The following DCC variants were observed in gnomAD, a reference collection of about 807,000 sequenced individuals.
The protein encoded by DCC is DCC netrin 1 receptor.
DCC carries 58 observed loss-of-function variants against 172.5 expected under a neutral mutation model. The ratio of observed to expected loss-of-function variants is 0.34; its 90% CI spans 0.27 to 0.42. DCC has a LOEUF of 0.42. Ranked by LOEUF, DCC falls within the 10% of genes least tolerant of loss-of-function variation. The pLI, the probability that DCC is intolerant of heterozygous loss-of-function variation, is 1.00. For synonymous variants in DCC, 709 were observed against 644.5 expected, an observed-to-expected ratio of 1.10 and a Z score of -1.52; for missense variants, 1,740 against 1,791.0, an observed-to-expected ratio of 0.97 and a Z score of 0.51.
At chr18:53,292,723 A>C (rs1044967064) in intron 12 of DCC, among the ~76,000 whole-genome samples, 5 of 152,140 alleles carry the variant, frequency 3.3e-5, no homozygotes, top group African/African-American at 4.8e-5. Context: ...AAACAAAAAA[A>C]CAAATCTTTG....
chr18:52,688,058 C>T (rs2035869828), intron 1 of DCC, among the ~76,000 whole-genome samples: 1 of 151,716 alleles, frequency 6.6e-6, no homozygotes, highest in South Asian at 2.1e-4. Flanking sequence ...TCCTTTAGTG[C>T]ACTGTTAGAT....
intron 5 of DCC, among the ~76,000 whole-genome samples, chr18:52,992,779 C>G (rs2041414338): frequency 6.6e-6 from 1 of 151,950 alleles, no homozygotes; most frequent in Admixed American, 6.6e-5. Context: ...AGTTTGAGAC[C>G]ACCCTGGCCA....
At chr18:52,863,762 A>G (rs1158963100) in intron 2 of DCC, among the ~76,000 whole-genome samples, 1 of 151,978 alleles carries the variant, frequency 6.6e-6, no homozygotes, top group Non-Finnish European at 1.5e-5. Flanking sequence ...GGTAAATTTC[A>G]TAAGACAAAT....
intron 5 of DCC, among the ~76,000 whole-genome samples, chr18:53,010,887 T>G (rs1178038845): frequency 6.6e-6 from 1 of 151,166 alleles, no homozygotes; most frequent in African/African-American, 2.4e-5. Flanking sequence ...TCATGTTTAG[T>G]TTTTAGAAAT....
chr18:53,424,410 G>C (rs1244806326), intron 21 of DCC, among the ~76,000 whole-genome samples: 1 of 152,148 alleles, frequency 6.6e-6, no homozygotes, highest in African/African-American at 2.4e-5. Flanking sequence ...AAGGAAGTAT[G>C]GTTCCGTGGG....
chr18:53,342,789 A>G (rs1335252301), intron 15 of DCC, among the ~76,000 whole-genome samples: 3 of 123,976 alleles, frequency 2.4e-5, no homozygotes, highest in African/African-American at 2.6e-5. Context: ...ATATTTGAAT[A>G]TATGAACATA....
intron 14 of DCC, among the ~76,000 whole-genome samples, chr18:53,338,643 A>G (rs939628911): frequency 1.1e-4 from 16 of 152,094 alleles, no homozygotes; most frequent in African/African-American, 3.6e-4. Context: ...CAGTGTCCAG[A>G]AAAAAATATT....
chr18:52,797,256 G>C (rs952782224), intron 2 of DCC, among the ~76,000 whole-genome samples: 1 of 152,078 alleles, frequency 6.6e-6, no homozygotes, highest in Non-Finnish European at 1.5e-5. Context: ...TCAAGATAAA[G>C]TTCCTGTTTT....
intron 5 of DCC, among the ~76,000 whole-genome samples, chr18:53,057,079 T>TAAAAAAAAAAAAAAA (rs11316527): frequency 1.1e-5 from 1 of 89,326 alleles, no homozygotes; most frequent in African/African-American, 4.2e-5. Flanking sequence ...CTTCTAAAAG[T>TAAAAAAAAAAAAAAA]AAAAAAAAAA....
chr18:53,044,424 T>C (rs767710813), intron 5 of DCC, among the ~76,000 whole-genome samples: 4 of 138,474 alleles, frequency 2.9e-5, no homozygotes, highest in Non-Finnish European at 4.7e-5. Context: ...GCTTGAGTTC[T>C]AGTATTGCTG....
intron 6 of DCC, among the ~76,000 whole-genome samples, chr18:53,063,962 C>A (rs557776449): frequency 6.6e-6 from 1 of 152,198 alleles, no homozygotes; most frequent in East Asian, 1.9e-4. Flanking sequence ...TTGAGAAAGG[C>A]AGTGGTGATG....
chr18:53,323,903 C>G (rs1262566241), intron 14 of DCC, among the ~76,000 whole-genome samples: 1 of 152,128 alleles, frequency 6.6e-6, no homozygotes, highest in Non-Finnish European at 1.5e-5. Flanking sequence ...GAATGAAACA[C>G]AGAGTTGGCA....
intron 26 of DCC, among the ~76,000 whole-genome samples, chr18:53,490,911 A>G (rs977157225): frequency 3.3e-5 from 5 of 152,196 alleles, no homozygotes; most frequent in African/African-American, 1.2e-4. Flanking sequence ...TGTTCATTGT[A>G]TTCATTTTGA....
At chr18:53,063,639 G>A (rs1183407814) in intron 6 of DCC, 180 bp downstream of exon 6, 8 of 578,174 alleles carry the variant, frequency 1.4e-5, no homozygotes, top group Non-Finnish European at 1.8e-5. Context: ...AACTGAGAAA[G>A]AGTGATCAAA....
At chr18:53,166,138 TG>T (rs2054917777) in intron 8 of DCC, among the ~76,000 whole-genome samples, 1 of 152,132 alleles carries the variant, frequency 6.6e-6, no homozygotes, top group Non-Finnish European at 1.5e-5. Flanking sequence ...GACTGAATAA[TG>T]CATTGCACAT....
chr18:52,873,802 G>A (rs1170044762), intron 2 of DCC, among the ~76,000 whole-genome samples: 1 of 152,166 alleles, frequency 6.6e-6, no homozygotes, highest in African/African-American at 2.4e-5. Flanking sequence ...ATAGATGAGG[G>A]AAGGAAAGGA....
intron 1 of DCC, among the ~76,000 whole-genome samples, chr18:52,715,390 C>G (rs559496556): frequency 1.2e-4 from 18 of 151,426 alleles, no homozygotes; most frequent in African/African-American, 4.1e-4. Flanking sequence ...ACCTCCACCT[C>G]CTGGGGTCAA....
intron 2 of DCC, among the ~76,000 whole-genome samples, chr18:52,840,927 T>A (rs1006263): frequency 0.44 from 66,493 of 151,176 alleles, 14,738 homozygotes; most frequent in South Asian, 0.55. Context: ...GAAACATAAA[T>A]AAACCTGCTA....
chr18:52,635,821 C>T (rs1442130745), intron 1 of DCC, among the ~76,000 whole-genome samples: 1 of 152,002 alleles, frequency 6.6e-6, no homozygotes, highest in Admixed American at 6.6e-5. Flanking sequence ...TAAACTCCCC[C>T]CAAAAAAGTC....
Sources: allele counts gnomAD v4.1 joint callset (sites outside exome capture counted in the v4.1 genomes callset), GRCh38; gene constraint gnomAD v4.1.1; transcripts MANE v1.5; gene names NCBI Gene and HGNC (gene_info 2026-07-23, HGNC 2026-07-21).